Variants in CSMD3 observed in about 807,000 individuals in gnomAD.
CSMD3 encodes the protein CUB and sushi domain-containing protein 3.
A neutral mutation model predicts 435.2 loss-of-function variants in CSMD3; 177 were observed. The observed-to-expected ratio is 0.41, with a 90% CI of 0.36 to 0.46. The LOEUF is 0.46. Among genes scored for constraint, CSMD3 ranks in the 20% least tolerant of loss-of-function variants. The pLI is 0.34. For missense variants in CSMD3, 4,265 were observed against 4,504.6 expected (o/e 0.95, Z 1.52); for synonymous variants, 1,656 against 1,520.5 (o/e 1.09, Z -2.07).
In CSMD3 at chr8:113,064,771, T is replaced by TTTTTC. The variant is rs540287834; in HGVS notation, c.917+33980_917+33984dup. On this transcript the variant is annotated intron_variant, in intron 5 of 70. Transcript: ENST00000297405. Reference sequence around the variant, plus strand: ...CATGCCACAAATAACAAATTACGGCTTTTTCTTTTCTTTTCTTTTATTTAT... The same window carrying TTTTTC: ...CATGCCACAAATAACAAATTACGGCTTTTTCTTTTCTTTTCTTTTCTTTTATTTAT... 1.6e-3 allele frequency among the ~76,000 whole-genome samples: 249 copies of TTTTTC among 152,294 alleles called. 2 individuals are homozygous for TTTTTC. Among genetic ancestry groups the TTTTTC allele is most frequent in the Middle Eastern group, 0.01 (3 of 294 alleles).
At chr8:112,721,390 C>A (rs2076854141) in intron 13 of CSMD3, among the ~76,000 whole-genome samples, 1 of 152,004 alleles carries the variant, frequency 6.6e-6, no homozygotes, top group Admixed American at 6.6e-5. Flanking sequence ...GCCTGGCCAA[C>A]ATAGCGAAAC....
chr8:113,225,391 G>C (rs747563663), intron 3 of CSMD3, among the ~76,000 whole-genome samples: 2 of 151,446 alleles, frequency 1.3e-5, no homozygotes, highest in Non-Finnish European at 3.0e-5. Context: ...CTACTAGTCA[G>C]ATGTCCCATT....
chr8:113,294,340 A>G (rs1385725878), intron 2 of CSMD3, among the ~76,000 whole-genome samples: 1 of 152,126 alleles, frequency 6.6e-6, no homozygotes, highest in Non-Finnish European at 1.5e-5. Context: ...CAAACATTCA[A>G]CATACATTAT....
chr8:112,338,969 A>G (rs751562705), intron 42 of CSMD3, among the ~76,000 whole-genome samples: 6 of 152,122 alleles, frequency 3.9e-5, no homozygotes, highest in Non-Finnish European at 8.8e-5. Context: ...CTAATGTTAT[A>G]TACAATACAG....
intron 18 of CSMD3, among the ~76,000 whole-genome samples, chr8:112,654,802 C>T (rs1046215204): frequency 3.3e-5 from 5 of 152,076 alleles, no homozygotes; most frequent in Non-Finnish European, 7.4e-5. Context: ...GGATTGAATA[C>T]GATTTACTGG....
At chr8:112,255,618 A>G (rs1815711573) in intron 61 of CSMD3, 191 bp from the exon 62 acceptor site, 2 of 580,242 alleles carry the variant, frequency 3.4e-6, no homozygotes, top group South Asian at 4.5e-5. Context: ...ACTCAGTATA[A>G]TATTTAAAAA....
chr8:112,241,742 T>C lies in CSMD3; in HGVS notation c.10446A>G (p.Gly3482=), dbSNP rs755568382. The C allele has an allele frequency of 1.2e-6, 2 of 1,612,628 alleles. No individual in the cohort carries two copies. The highest frequency in any genetic ancestry group is 2.2e-5 in the East Asian group (1 of 44,848). The change falls in exon 66 of 71, where the codon GGA becomes GGG. Residue 3482 remains glycine (G), a synonymous_variant. Coordinates refer to ENST00000297405, the MANE Select transcript of CSMD3 (RefSeq NM_198123.2). The part of the protein sequence containing the change: ...ILVKDPRPAL[G]TPSPKLSVPD... ...AACCACTTAGCTTTGGGCTGGGTGT[T>C]CCCAGTGCAGGTCTAGGATCTTTCA...
intron 6 of CSMD3, among the ~76,000 whole-genome samples, chr8:112,996,320 T>C (rs1038345631): frequency 6.6e-6 from 1 of 151,672 alleles, no homozygotes; most frequent in African/African-American, 2.4e-5. Context: ...TCAACTATTT[T>C]AGATTCCAAA....
intron 25 of CSMD3, among the ~76,000 whole-genome samples, chr8:112,555,848 C>T (rs557818455): frequency 1.3e-5 from 2 of 152,046 alleles, no homozygotes; most frequent in South Asian, 4.1e-4. Context: ...TCAAATTGCA[C>T]ATTAAATATG....
At chr8:112,456,036 T>A (rs568366506) in intron 32 of CSMD3, among the ~76,000 whole-genome samples, 1 of 152,262 alleles carries the variant, frequency 6.6e-6, no homozygotes, top group African/African-American at 2.4e-5. Context: ...CCACCTGAGT[T>A]CTACACTGGA....
At chr8:112,491,168 T>G (rs1820648338) in intron 31 of CSMD3, among the ~76,000 whole-genome samples, 1 of 152,148 alleles carries the variant, frequency 6.6e-6, no homozygotes, top group Admixed American at 6.5e-5. Flanking sequence ...ATTCTACAAC[T>G]AGGAAAAATT....
intron 11 of CSMD3, among the ~76,000 whole-genome samples, chr8:112,831,557 G>GT (rs5894109): frequency 0.47 from 66,557 of 142,618 alleles, 15,761 homozygotes; most frequent in East Asian, 0.71. Context: ...ATGTAAAAGT[G>GT]TTTTTTTTTT....
At chr8:113,060,115 G>A (rs1206743056) in intron 5 of CSMD3, among the ~76,000 whole-genome samples, 5 of 94,566 alleles carry the variant, frequency 5.3e-5, no homozygotes, top group Non-Finnish European at 1.0e-4. Context: ...CTAGCATTAG[G>A]TATATCTCCC....
rs1037607794 is a variant in CSMD3, at chr8:112,635,525, T to G, written c.3715+1292A>C. On this transcript the variant is annotated intron_variant, in intron 22 of 70. Transcript: ENST00000297405. ...AACAAAATGTCCTTAAAAAAAAAAA[T>G]GCACCCTGCATAGCTCCTGGAAAAG... 4.6e-5 allele frequency among the ~76,000 whole-genome samples: 7 copies of G among 151,268 alleles called. No homozygotes were observed. In the East Asian group the frequency reaches 1.4e-3, roughly 29 times the overall value.
At chr8:112,771,186 T>G (rs889333943) in intron 13 of CSMD3, among the ~76,000 whole-genome samples, 1 of 151,942 alleles carries the variant, frequency 6.6e-6, no homozygotes, top group African/African-American at 2.4e-5. Context: ...AGTCAAACAT[T>G]CAATGTTAAA....
At chr8:113,013,300 A>G (rs545924133) in intron 6 of CSMD3, among the ~76,000 whole-genome samples, 4 of 152,094 alleles carry the variant, frequency 2.6e-5, no homozygotes, top group Non-Finnish European at 5.9e-5. Flanking sequence ...TTTTAACTGT[A>G]GCTCCTGGAT....
chr8:112,640,222 CTG>C (rs1563800195), intron 20 of CSMD3, among the ~76,000 whole-genome samples: 3 of 152,208 alleles, frequency 2.0e-5, no homozygotes, highest in Middle Eastern at 3.4e-3. Context: ...ACACAACACA[CTG>C]TGTGTAAGGA....
intron 35 of CSMD3, among the ~76,000 whole-genome samples, chr8:112,396,332 C>T (rs1830859725): frequency 6.6e-6 from 1 of 152,092 alleles, no homozygotes; most frequent in Admixed American, 6.6e-5. Context: ...ATGTATAAAA[C>T]CCTGTAAATA....
chr8:113,322,014 C>T (rs897927669), intron 1 of CSMD3, among the ~76,000 whole-genome samples: 1 of 151,968 alleles, frequency 6.6e-6, no homozygotes, highest in Non-Finnish European at 1.5e-5. Context: ...ATAAACACAA[C>T]AAATATACAA....
Sources: allele counts gnomAD v4.1 joint callset (sites outside exome capture counted in the v4.1 genomes callset), GRCh38; gene constraint gnomAD v4.1.1; transcripts MANE v1.5; gene names NCBI Gene and HGNC (gene_info 2026-07-23, HGNC 2026-07-21).